FAM228B: variants seen among roughly 807,000 people sequenced by gnomAD.
FAM228B encodes the protein protein FAM228B.
FAM228B carries 38 observed loss-of-function variants against 42.6 expected under a neutral mutation model. The ratio of observed to expected loss-of-function variants is 0.89; its 90% confidence interval spans 0.69 to 1.17. FAM228B has a LOEUF of 1.17. Ranked by LOEUF, FAM228B falls within the 50% of genes most tolerant of loss-of-function variation. FAM228B has a pLI of 0.00. For synonymous variants in FAM228B, 109 were observed against 122.3 expected, an observed-to-expected ratio of 0.89 and a Z score of 0.72; for missense variants, 344 against 367.3, an observed-to-expected ratio of 0.94 and a Z score of 0.52.
intron 2 of FAM228B, among the ~76,000 whole-genome samples, chr2:24,087,751 C>A (rs1202321802): frequency 6.6e-6 from 1 of 151,080 alleles, no homozygotes; most frequent in African/African-American, 2.4e-5. Context: ...GCTGGGACTA[C>A]AGGTGTGAGC....
rs928995665 is a variant in FAM228B, at chr2:24,084,838, T to TC, written c.-210+3885dup. On this transcript the variant is annotated intron_variant, in intron 2 of 10. Coordinates refer to the FAM228B transcript ENST00000613899. The surrounding 1 kb of genome is among the most constrained non-coding windows in gnomAD (Gnocchi z 8.4). ...CCAGAGCCCCAGGACTGCCTCTGCC[T>TC]CCACCGGAATGGACGGCTGGACCTG... is the stretch of plus-strand genomic sequence containing the variant. The TC allele has an allele frequency of 2.0e-5, 3 of 152,804 alleles. No individual in the cohort carries two copies. The highest frequency in any genetic ancestry group is 7.2e-5 in the African/African-American group (3 of 41,424). The allele number at this position is 152,804 out of a possible 1,614,324, so 9.5% of individuals were successfully genotyped here.
chr2:24,093,312 C>A (rs1287986365), intron 2 of FAM228B, among the ~76,000 whole-genome samples: 1 of 152,006 alleles, frequency 6.6e-6, no homozygotes, highest in Non-Finnish European at 1.5e-5. Flanking sequence ...GCCCCTAGCC[C>A]CCCAACAGGC....
chr2:24,153,233 C>A (rs1292734665), intron 7 of FAM228B, among the ~76,000 whole-genome samples: 1 of 152,148 alleles, frequency 6.6e-6, no homozygotes, highest in Non-Finnish European at 1.5e-5. Flanking sequence ...GTTCCCTTTC[C>A]TCTTTCCTCT....
intron 5 of FAM228B, among the ~76,000 whole-genome samples, chr2:24,145,073 C>T (rs1308731366): frequency 6.6e-6 from 1 of 152,212 alleles, no homozygotes; most frequent in Non-Finnish European, 1.5e-5. Context: ...TGCCATTGCC[C>T]ACAACATGAC....
intron 3 of FAM228B, chr2:24,115,656 A>G: frequency 1.9e-6 from 3 of 1,578,788 alleles, no homozygotes; most frequent in East Asian, 2.2e-5. Context: ...GCTGCAAATT[A>G]TCACTACAAA....
At position 24,095,232 on chromosome 2, in the gene FAM228B, A is replaced by G. The variant is rs1453889036; in HGVS notation, c.-121+3A>G. 1 of 152,490 alleles carries G rather than the reference A, an allele frequency of 6.6e-6. No individual in the cohort carries two copies. The highest frequency in any genetic ancestry group is 1.5e-5 in the Non-Finnish European group (1 of 68,274). The allele number at this position is 152,490 out of a possible 1,614,324, so 9.4% of individuals were successfully genotyped here. On this transcript the variant is annotated splice_donor_region_variant and intron_variant, in intron 3 of 10. Coordinates refer to the FAM228B transcript ENST00000613899. The surrounding 1 kb of genome is among the most constrained non-coding windows in gnomAD (Gnocchi z 4.8). ...TGATTTCTGCATTTCCGACTGAGGT[A>G]ACTGATTCATCTCACTGGGACTGGT...
chr2:24,085,147 T>C (rs1315067039), intron 2 of FAM228B: 1 of 152,098 alleles, frequency 6.6e-6, no homozygotes, highest in Non-Finnish European at 1.5e-5. Flanking sequence ...TGTAACAGGC[T>C]GGCATCCCGC....
rs1666917955 is a variant in FAM228B at position 24,147,221 on chromosome 2, A to C, written c.686+135A>C. 1.2e-5 allele frequency: 7 copies of C among 582,440 alleles called. No homozygotes were observed. In the South Asian group the frequency reaches 2.3e-4, roughly 19 times the overall value. 36.1% of individuals were successfully genotyped at this position (582,440 alleles called of 1,614,324 possible). On this transcript the variant is annotated intron_variant, in intron 7 of 10. Coordinates refer to ENST00000615575, the MANE Select transcript of FAM228B (RefSeq NM_001145710.2). Reference sequence around the variant, plus strand: ...TTTTTTGAGACAGAGTCTCACTCTGAAAATTTCATTTTTCAATGAAAAATC... The same window carrying C: ...TTTTTTGAGACAGAGTCTCACTCTGCAAATTTCATTTTTCAATGAAAAATC...
At chr2:24,168,116 C>G (rs1667470969) in intron 10 of FAM228B, 1 of 191,016 alleles carries the variant, frequency 5.2e-6, no homozygotes. Flanking sequence ...GATGCTCATC[C>G]TATACCCAAG....
intron 9 of FAM228B, among the ~76,000 whole-genome samples, chr2:24,165,147 A>G (rs894135299): frequency 2.6e-4 from 39 of 152,252 alleles, no homozygotes; most frequent in African/African-American, 9.1e-4. Flanking sequence ...GCATTTGAAG[A>G]GTTGAGAAGA....
chr2:24,130,264 T>C (rs1666424556), intron 2 of FAM228B, among the ~76,000 whole-genome samples: 1 of 152,230 alleles, frequency 6.6e-6, no homozygotes, highest in Non-Finnish European at 1.5e-5. Context: ...AGTGCTGCAA[T>C]AAACATACAT....
At chr2:24,119,872 A>G (rs1222248098), upstream of FAM228B, among the ~76,000 whole-genome samples, 1 of 152,148 alleles carries the variant, frequency 6.6e-6, no homozygotes, top group Non-Finnish European at 1.5e-5. Context: ...TTTTCCACCA[A>G]TTTAGTTGCC....
intron 3 of FAM228B, among the ~76,000 whole-genome samples, chr2:24,101,433 A>G (rs915819934): frequency 1.3e-5 from 2 of 152,196 alleles, no homozygotes; most frequent in African/African-American, 4.8e-5. Context: ...CTGTGACCAC[A>G]GGGCTACTAT....
At chr2:24,132,406 G>A (rs984358925) in intron 2 of FAM228B, among the ~76,000 whole-genome samples, 2 of 149,544 alleles carry the variant, frequency 1.3e-5, no homozygotes, top group Admixed American at 6.7e-5. Flanking sequence ...GGAATGGTAC[G>A]AGCCCTTCTT....
In FAM228B at chr2:24,133,257, G is replaced by A. The variant is rs79076709; in HGVS notation, c.100-1862G>A. 7.5e-3 allele frequency among the ~76,000 whole-genome samples: 1,140 copies of A among 151,958 alleles called. 5 individuals are homozygous for A. The highest frequency in any genetic ancestry group is 0.026 in the African/African-American group (1,088 of 41,468). ...CACTCTCCAGTGTCTTCAGGTTGTT[G>A]TTTTTTATATTTTTTATCTGGAATG... On this transcript the variant is annotated intron_variant, in intron 2 of 10. Coordinates refer to ENST00000615575, the MANE Select transcript of FAM228B (RefSeq NM_001145710.2).
At position 24,139,401 on chromosome 2, in the gene FAM228B, A is replaced by G; in HGVS notation, c.392A>G (p.Lys131Arg). The change falls in exon 5 of 11, where the codon AAA becomes AGA. Residue 131 changes from lysine to arginine, a missense_variant. Coordinates refer to ENST00000615575, the MANE Select transcript of FAM228B (RefSeq NM_001145710.2). ...GNAFIEHYDPKEYDPFYMSKK... is the reference protein window; with the variant it reads ...GNAFIEHYDPREYDPFYMSKK... ...GCATTTATAGAACATTATGATCCAA[A>G]AGAGTATGATCCCTTTTATATGAGC... is the stretch of plus-strand genomic sequence containing the variant. 1 of 1,548,070 alleles carries G rather than the reference A, an allele frequency of 6.5e-7. No homozygotes were observed. The highest frequency in any genetic ancestry group is 8.7e-7 in the Non-Finnish European group (1 of 1,144,134).
At chr2:24,144,401 G>T (rs1666843873) in intron 5 of FAM228B, among the ~76,000 whole-genome samples, 1 of 152,170 alleles carries the variant, frequency 6.6e-6, no homozygotes, top group Non-Finnish European at 1.5e-5. Flanking sequence ...ACTCCAGCCT[G>T]GACGACAGAG....
chr2:24,143,255 A>C (rs1446598591), intron 5 of FAM228B, among the ~76,000 whole-genome samples: 1 of 151,850 alleles, frequency 6.6e-6, no homozygotes, highest in Non-Finnish European at 1.5e-5. Flanking sequence ...ATCTCGGCTC[A>C]CTGCAACCTC....
chr2:24,140,915 T>C (rs892981257), intron 5 of FAM228B, among the ~76,000 whole-genome samples: 9 of 151,268 alleles, frequency 5.9e-5, no homozygotes, highest in African/African-American at 9.7e-5. Context: ...TAAGCCAAGA[T>C]TGAGTGTCAC....
Sources: allele counts gnomAD v4.1 joint callset (sites outside exome capture counted in the v4.1 genomes callset), GRCh38; gene constraint gnomAD v4.1.1; non-coding constraint Gnocchi (gnomAD v3.1); transcripts MANE v1.5; gene names NCBI Gene and HGNC (gene_info 2026-07-23, HGNC 2026-07-21).